VWA2: variants seen among roughly 807,000 people sequenced by gnomAD.
The protein encoded by VWA2 is von Willebrand factor A domain containing 2.
A neutral mutation model predicts 70.4 loss-of-function variants in VWA2; 73 were observed. That is an observed-to-expected ratio of 1.04 (90% CI 0.86 to 1.26). The LOEUF (loss-of-function observed/expected upper bound fraction) is 1.26. VWA2 is among the 50% of genes most tolerant of loss of function. The pLI, the probability that VWA2 is intolerant of heterozygous loss-of-function variation, is 0.00. For synonymous variants in VWA2, 407 were observed against 423.3 expected (o/e 0.96, Z 0.47); for missense variants, 1,011 against 998.5 (o/e 1.01, Z -0.17).
chr10:114,256,063 C>T (rs953142541), intron 4 of VWA2, among the ~76,000 whole-genome samples: 3 of 152,218 alleles, frequency 2.0e-5, no homozygotes, highest in Non-Finnish European at 4.4e-5. Context: ...GTATTCATCC[C>T]AGTTACAAAG....
In VWA2 at chr10:114,283,448, T is replaced by C. The variant is rs145230271; in HGVS notation, c.889+877T>C. Among the ~76,000 whole-genome samples the C allele has an allele frequency of 6.8e-3, 1,033 of 152,270 alleles. 11 individuals carry two copies. The highest frequency in any genetic ancestry group is 0.024 in the African/African-American group (977 of 41,528). ...TTGGGGTTAGGTGATCCCTTCAGTA[T>C]GTTCACAAGGTTTACAGTTCCAGCA... On this transcript the variant is annotated intron_variant, in intron 9 of 13. Transcript: ENST00000392982.
intron 10 of VWA2, among the ~76,000 whole-genome samples, chr10:114,285,427 T>G (rs1038073811): frequency 3.9e-5 from 6 of 152,256 alleles, no homozygotes; most frequent in African/African-American, 1.4e-4. Context: ...TGCAAAGTGC[T>G]TAGTACCATG....
In VWA2 at chr10:114,289,076, TC is replaced by T; in HGVS notation, c.1710del (p.Gly571AlafsTer34). On this transcript the variant is annotated frameshift_variant, in exon 12 of 14. Transcript: ENST00000392982. LOFTEE classifies it high-confidence loss of function. ...QFEVNPDVTQVGLVVYGSQVQ... is the reference protein window; with the variant it reads ...QFEVNPDVTQXGLVVYGSQVQ... Reference sequence around the variant, plus strand: ...GAGGTGAACCCTGACGTGACACAGGTCGGCCTGGTGGTGTATGGCAGCCAGG... The same window carrying T: ...GAGGTGAACCCTGACGTGACACAGGTGGCCTGGTGGTGTATGGCAGCCAGG... 1 of 1,614,108 alleles carries T rather than the reference TC, an allele frequency of 6.2e-7. No individual in the cohort carries two copies. The highest frequency in any genetic ancestry group is 8.5e-7 in the Non-Finnish European group (1 of 1,180,018).
At chr10:114,290,163 G>A in intron 12 of VWA2, 77 bp from the exon 13 acceptor site, 1 of 1,524,268 alleles carries the variant, frequency 6.6e-7, no homozygotes, top group Non-Finnish European at 8.9e-7. Context: ...CACCTCTACT[G>A]GGCTTACTTA....
chr10:114,290,069 TG>T, intron 12 of VWA2, 170 bp from the exon 13 acceptor site: 1 of 718,542 alleles, frequency 1.4e-6, no homozygotes, highest in Non-Finnish European at 2.2e-6. Flanking sequence ...GTAGGAGAGC[TG>T]GGTCTTACTA....
rs1378739023 is a variant in VWA2 at position 114,292,169 on chromosome 10, C to T, written c.*932C>T. 2.6e-5 allele frequency among the ~76,000 whole-genome samples: 4 copies of T among 151,772 alleles called. No individual in the cohort carries two copies. The highest frequency in any genetic ancestry group is 5.9e-5 in the Non-Finnish European group (4 of 67,970). ...GTGGATGCCTATAATCCCAGCTACT[C>T]GGGAGGCTGAGACAGGAGAATGGCT... On this transcript the variant is annotated 3_prime_UTR_variant, in exon 14 of 14. Coordinates refer to ENST00000392982, the MANE Select transcript of VWA2 (RefSeq NM_001272046.2).
intron 8 of VWA2, chr10:114,281,043 C>T (rs1228363958): frequency 6.6e-6 from 1 of 152,254 alleles, no homozygotes; most frequent in Non-Finnish European, 1.5e-5. Flanking sequence ...CCTTGGCAAC[C>T]TTTATTTCAG....
chr10:114,263,479 G>A (rs907386506), intron 5 of VWA2, among the ~76,000 whole-genome samples: 2 of 151,948 alleles, frequency 1.3e-5, no homozygotes, highest in African/African-American at 4.8e-5. Context: ...TGGGACTACA[G>A]GAGCCCGCCA....
intron 1 of VWA2, among the ~76,000 whole-genome samples, chr10:114,245,584 G>A (rs2037051367): frequency 6.6e-6 from 1 of 152,052 alleles, no homozygotes; most frequent in East Asian, 1.9e-4. Flanking sequence ...GGCTTGTTCT[G>A]CCTCTGTGGT....
intron 4 of VWA2, among the ~76,000 whole-genome samples, chr10:114,259,185 G>A (rs777409275): frequency 1.2e-4 from 18 of 151,998 alleles, no homozygotes; most frequent in Non-Finnish European, 2.2e-4. Flanking sequence ...GTTTCACCCC[G>A]AAAACATTGT....
rs975716768 is a variant in VWA2 at position 114,239,428 on chromosome 10, G to A, written c.-152G>A. On this transcript the variant is annotated 5_prime_UTR_variant, in exon 1 of 14. Transcript: ENST00000392982. ...GTCGGGTCGTGCCGCCCTCTCCCAG[G>A]AGAGACAAACAGGTGTCCCACGTGG... The A allele has an allele frequency of 6.6e-6, 1 of 152,314 alleles. No individual in the cohort carries two copies. The highest frequency in any genetic ancestry group is 2.4e-5 in the African/African-American group (1 of 41,472). The allele number at this position is 152,314 out of a possible 1,614,324, so 9.4% of individuals were successfully genotyped here. A position where few individuals can be genotyped will look rare whatever the true frequency, so the allele number is the denominator to read the frequency against.
At chr10:114,269,513 G>A (rs968012137) in intron 5 of VWA2, among the ~76,000 whole-genome samples, 1 of 152,150 alleles carries the variant, frequency 6.6e-6, no homozygotes, top group African/African-American at 2.4e-5. Flanking sequence ...CCCAGGTGGT[G>A]GAGGTTGCAG....
Position 114,290,333 on chromosome 10 carries a change from G to C in VWA2, c.2216G>C (p.Arg739Pro), listed in dbSNP as rs761365199. Reference sequence around the variant, plus strand: ...AATGGGAGCTACCGCTGCAAGTGTCGGGATGGCTGGGAGGGCCCCCACTGC... The same window carrying C: ...AATGGGAGCTACCGCTGCAAGTGTCCGGATGGCTGGGAGGGCCCCCACTGC... ...LQNGSYRCKC[R>P]DGWEGPHCEN... The change falls in exon 13 of 14, where the codon CGG becomes CCG. Residue 739 changes from arginine (R) to proline (P), a missense_variant. Transcript: ENST00000392982. 1.9e-5 allele frequency: 30 copies of C among 1,550,478 alleles called. No homozygotes were observed. The highest frequency in any genetic ancestry group is 3.9e-5 in the Admixed American group (2 of 50,986).
chr10:114,253,070 G>C (rs983657767), intron 2 of VWA2, among the ~76,000 whole-genome samples: 7 of 150,514 alleles, frequency 4.7e-5, no homozygotes, highest in African/African-American at 1.5e-4. Context: ...AGAGGATGTT[G>C]GCTTTTCCAA....
rs1184789609 is a variant in VWA2, at chr10:114,239,419, C to T, written c.-161C>T. ...CTCAGCCGGGTCGGGTCGTGCCGCC[C>T]TCTCCCAGGAGAGACAAACAGGTGT... On this transcript the variant is annotated 5_prime_UTR_variant, in exon 1 of 14. Coordinates refer to ENST00000392982, the MANE Select transcript of VWA2 (RefSeq NM_001272046.2). 1 of 152,312 alleles carries T rather than the reference C, an allele frequency of 6.6e-6. No individual in the cohort carries two copies. The highest frequency in any genetic ancestry group is 1.5e-5 in the Non-Finnish European group (1 of 68,094). 9.4% of individuals were successfully genotyped at this position (152,312 alleles called of 1,614,324 possible). A position where few individuals can be genotyped will look rare whatever the true frequency, so the allele number is the denominator to read the frequency against.
In VWA2 at chr10:114,291,243, A is replaced by G. The variant is rs1370105381; in HGVS notation, c.*6A>G. 19 of 1,550,214 alleles carry G rather than the reference A, an allele frequency of 1.2e-5. No individual in the cohort carries two copies. The highest frequency in any genetic ancestry group is 1.6e-5 in the Non-Finnish European group (18 of 1,146,830). On this transcript the variant is annotated 3_prime_UTR_variant, in exon 14 of 14. Transcript: ENST00000392982. The stretch of plus-strand genomic sequence containing the variant: ...GATTCTTGAGACGCCCCTGAGGCAC[A>G]TGGCTCCCGTGCAGGAGGGCAGCAG...
At chr10:114,256,881 G>T (rs1220126953) in intron 4 of VWA2, among the ~76,000 whole-genome samples, 1 of 139,772 alleles carries the variant, frequency 7.2e-6, no homozygotes. Flanking sequence ...CTGCACTCCA[G>T]CCTGGGCGAC....
At chr10:114,250,604 A>G (rs1043790363) in intron 2 of VWA2, among the ~76,000 whole-genome samples, 1 of 152,138 alleles carries the variant, frequency 6.6e-6, no homozygotes, top group Non-Finnish European at 1.5e-5. Context: ...TACTGTTAAT[A>G]CCTGCCTGTT....
intron 11 of VWA2, among the ~76,000 whole-genome samples, chr10:114,287,755 A>G (rs2039092481): frequency 6.6e-6 from 1 of 152,216 alleles, no homozygotes; most frequent in Non-Finnish European, 1.5e-5. Flanking sequence ...AGAGTTCCCT[A>G]TACCCCACAC....
Sources: allele counts gnomAD v4.1 joint callset (sites outside exome capture counted in the v4.1 genomes callset), GRCh38; gene constraint gnomAD v4.1.1; transcripts MANE v1.5; gene names NCBI Gene and HGNC (gene_info 2026-07-23, HGNC 2026-07-21).